Variants in UNC13C observed in about 807,000 individuals in gnomAD.
The protein encoded by UNC13C is unc-13 homolog C.
In UNC13C, 174 loss-of-function variants were observed where a neutral mutation model predicts 245.4. The ratio of observed to expected loss-of-function variants is 0.71; its 90% CI spans 0.63 to 0.80. UNC13C has a LOEUF of 0.80. UNC13C is among the 30% of genes least tolerant of loss of function. The pLI, the probability that UNC13C is intolerant of heterozygous loss-of-function variation, is 0.00. For synonymous variants in UNC13C, 992 were observed against 895.1 expected, an observed-to-expected ratio of 1.11 and a Z score of -1.93; for missense variants, 2,829 against 2,602.9, an observed-to-expected ratio of 1.09 and a Z score of -1.89.
chr15:54,598,604 A>G (rs896604787), intron 30 of UNC13C, among the ~76,000 whole-genome samples: 4 of 152,216 alleles, frequency 2.6e-5, no homozygotes, highest in African/African-American at 9.6e-5. Context: ...AAAGAATGCA[A>G]TTTGTATTGA....
At chr15:54,147,079 A>T (rs575230565) in intron 4 of UNC13C, among the ~76,000 whole-genome samples, 63 of 152,110 alleles carry the variant, frequency 4.1e-4, no homozygotes, top group Non-Finnish European at 7.6e-4. Context: ...CTTGGGGTGA[A>T]TGCTGCACCC....
chr15:54,447,720 A>C (rs1305718566), intron 19 of UNC13C, among the ~76,000 whole-genome samples: 1 of 152,142 alleles, frequency 6.6e-6, no homozygotes. Context: ...TTTCAAAAAA[A>C]CCAGCTCCTG....
intron 24 of UNC13C, among the ~76,000 whole-genome samples, chr15:54,524,175 G>A (rs999730535): frequency 1.3e-5 from 2 of 150,506 alleles, no homozygotes; most frequent in Non-Finnish European, 1.5e-5. Context: ...ACTCTAGAAA[G>A]TATGAAGCTC....
intron 25 of UNC13C, among the ~76,000 whole-genome samples, chr15:54,528,175 A>C (rs931205367): frequency 1.3e-5 from 2 of 152,208 alleles, no homozygotes; most frequent in Non-Finnish European, 2.9e-5. Flanking sequence ...GAATCCTGAC[A>C]TGCTCACAGG....
chr15:54,484,061 A>T (rs1893273941), intron 19 of UNC13C, among the ~76,000 whole-genome samples: 2 of 138,784 alleles, frequency 1.4e-5, no homozygotes, highest in Admixed American at 1.5e-4. Flanking sequence ...AAGGATTATG[A>T]ATCAGAACTC....
At chr15:54,288,155 C>G (rs554761390) in intron 10 of UNC13C, among the ~76,000 whole-genome samples, 17 of 152,220 alleles carry the variant, frequency 1.1e-4, no homozygotes, top group Non-Finnish European at 1.9e-4. Flanking sequence ...TATGTAGCAA[C>G]CATAGAGTCC....
At chr15:54,072,172 T>C (rs1898360455) in intron 2 of UNC13C, among the ~76,000 whole-genome samples, 1 of 152,224 alleles carries the variant, frequency 6.6e-6, no homozygotes, top group African/African-American at 2.4e-5. Flanking sequence ...CTAGAATTAA[T>C]GTGTGGAAGT....
At chr15:53,938,514 A>T in the UNC13C span, among the ~76,000 whole-genome samples, 1 of 152,172 alleles carries the variant, frequency 6.6e-6, no homozygotes, top group African/African-American at 2.4e-5. Flanking sequence ...GAGACCTGAT[A>T]AATATCTGCA....
chr15:54,427,477 T>C (rs2040782734), intron 19 of UNC13C, among the ~76,000 whole-genome samples: 1 of 151,760 alleles, frequency 6.6e-6, no homozygotes, highest in South Asian at 2.1e-4. Flanking sequence ...TATGTCTTTA[T>C]CAGCAGCATG....
At chr15:54,179,338 G>A (rs79931232) in intron 4 of UNC13C, among the ~76,000 whole-genome samples, 3,348 of 152,198 alleles carry the variant, frequency 0.022, 138 homozygotes, top group African/African-American at 0.077. Context: ...GATTTAGTCT[G>A]TATCTACAGA....
intron 4 of UNC13C, among the ~76,000 whole-genome samples, chr15:54,164,247 C>T (rs141209740): frequency 6.6e-6 from 1 of 152,190 alleles, no homozygotes; most frequent in Admixed American, 6.5e-5. Context: ...AATATATACA[C>T]ATGTAATTTA....
intron 4 of UNC13C, among the ~76,000 whole-genome samples, chr15:54,159,449 T>C (rs2032885465): frequency 6.6e-6 from 1 of 152,206 alleles, no homozygotes; most frequent in Non-Finnish European, 1.5e-5. Flanking sequence ...CCTTTGAGTC[T>C]TTTTTGATTA....
chr15:54,393,059 G>C lies in UNC13C; in HGVS notation c.4725G>C (p.Gln1575His), dbSNP rs748280992. ...GAACTTGTGAGCAGAGTAAGAAACA[G>C]GATATTCCTCGTGAAGATCAGGGAC... ...YSQLTDPSKK[Q>H]DIPREDQGPT... The change falls in exon 18 of 33, where the codon CAG becomes CAC. Residue 1575 changes from glutamine to histidine, a missense_variant. Physicochemically the swap from Gln to His is conservative, Grantham distance 24. Coordinates refer to ENST00000260323, the MANE Select transcript of UNC13C (RefSeq NM_001080534.3). 56 of 1,604,420 alleles carry C rather than the reference G, an allele frequency of 3.5e-5. No individual in the cohort carries two copies. The highest frequency in any genetic ancestry group is 4.5e-5 in the Non-Finnish European group (53 of 1,176,296).
chr15:54,552,718 T>TACAATATATAATATAATATATATTATATA (rs1566905195), intron 28 of UNC13C, among the ~76,000 whole-genome samples: 12 of 86,092 alleles, frequency 1.4e-4, no homozygotes, highest in Admixed American at 2.1e-4. Context: ...TATATTATAT[T>TACAATATATAATATAATATATATTATATA]GTACAATATA....
chr15:54,082,179 C>A (rs986319730), intron 2 of UNC13C, among the ~76,000 whole-genome samples: 1 of 152,014 alleles, frequency 6.6e-6, no homozygotes, highest in Non-Finnish European at 1.5e-5. Context: ...GTAATTTTGC[C>A]CTTTACTCTA....
intron 30 of UNC13C, among the ~76,000 whole-genome samples, chr15:54,578,906 G>T (rs8040774): frequency 0.42 from 63,437 of 151,988 alleles, 13,734 homozygotes; most frequent in East Asian, 0.58. Flanking sequence ...CTGGGTGCCC[G>T]TTTGTGACAG....
At chr15:54,357,556 A>T (rs2039124024) in intron 17 of UNC13C, among the ~76,000 whole-genome samples, 1 of 152,054 alleles carries the variant, frequency 6.6e-6, no homozygotes, top group African/African-American at 2.4e-5. Flanking sequence ...GTACACTGAT[A>T]AATATTCTTA....
chr15:54,615,165 G>A (rs1466400669), intron 30 of UNC13C, among the ~76,000 whole-genome samples: 3 of 151,926 alleles, frequency 2.0e-5, no homozygotes, highest in African/African-American at 7.2e-5. Context: ...AGCACATCCT[G>A]GGGAAGGGGA....
intron 1 of UNC13C, among the ~76,000 whole-genome samples, chr15:53,981,765 G>A (rs1183186493): frequency 6.6e-6 from 1 of 152,116 alleles, no homozygotes; most frequent in Non-Finnish European, 1.5e-5. Flanking sequence ...GGCATAGGAA[G>A]GGAGACAGGA....
Sources: gnomAD v4.1 joint callset for allele counts (sites outside exome capture counted in the v4.1 genomes callset) on GRCh38, gnomAD v4.1.1 for gene constraint, MANE v1.5 for transcripts, NCBI Gene and HGNC (gene_info 2026-07-23, HGNC 2026-07-21) for gene names.